The following FER1L6 variants were observed in gnomAD, a reference collection of about 807,000 sequenced individuals.
The protein encoded by FER1L6 is fer-1 like family member 6.
FER1L6 carries 177 observed loss-of-function variants against 219.2 expected under a neutral mutation model. The ratio of observed to expected loss-of-function variants is 0.81; its 90% CI spans 0.71 to 0.91. FER1L6 has a LOEUF of 0.91. Among genes scored for constraint, FER1L6 ranks in the 40% least tolerant of loss-of-function variants. FER1L6 has a pLI of 0.00. For missense variants in FER1L6, 2,153 were observed against 2,259.9 expected, an observed-to-expected ratio of 0.95 and a Z score of 0.96; for synonymous variants, 768 against 824.3, an observed-to-expected ratio of 0.93 and a Z score of 1.17.
At chr8:123,883,392 T>A (rs921597032) in intron 1 of FER1L6, among the ~76,000 whole-genome samples, 38 of 152,246 alleles carry the variant, frequency 2.5e-4, no homozygotes, top group African/African-American at 7.2e-4. Context: ...AGGCATTAGT[T>A]AGTGGCCAGG....
At chr8:123,898,751 A>G (rs574577173) in intron 1 of FER1L6, among the ~76,000 whole-genome samples, 7 of 145,214 alleles carry the variant, frequency 4.8e-5, no homozygotes, top group East Asian at 2.0e-4. Context: ...CATATATACT[A>G]TATATACACA....
At chr8:123,966,403 C>A in intron 5 of FER1L6, 113 bp downstream of exon 5, 1 of 1,317,866 alleles carries the variant, frequency 7.6e-7, no homozygotes, top group Admixed American at 2.1e-5. Context: ...CTCCCTGGCC[C>A]CCAGTTAAGC....
chr8:123,955,912 T>C (rs929799182), intron 1 of FER1L6, 80 bp from the exon 2 acceptor site: 71 of 1,301,982 alleles, frequency 5.5e-5, no homozygotes, highest in Non-Finnish European at 7.0e-5. Context: ...TGAAGCTCGG[T>C]GTGTTTTTGT....
chr8:124,003,371 C>T lies in FER1L6; in HGVS notation c.1700+24C>T, dbSNP rs773818524. ...AGGTAGGAGACATAGCCTGGGAGAACAGTCAAGGATTTTGCTGGTGGAATT... is the reference window on the plus strand; with the variant it reads ...AGGTAGGAGACATAGCCTGGGAGAATAGTCAAGGATTTTGCTGGTGGAATT... On this transcript the variant is annotated intron_variant, in intron 13 of 40. Coordinates refer to ENST00000522917, the MANE Select transcript of FER1L6 (RefSeq NM_001039112.2). 10 of 1,528,264 alleles carry T rather than the reference C, an allele frequency of 6.5e-6. No individual in the cohort carries two copies. In the South Asian group the frequency reaches 8.1e-5, roughly 12 times the overall value. The allele number at this position is 1,528,264 out of a possible 1,614,324, so 94.7% of individuals were successfully genotyped here. A position where few individuals can be genotyped will look rare whatever the true frequency, so the allele number is the denominator to read the frequency against.
At chr8:124,081,625 AGG>A (rs200336444) in intron 32 of FER1L6, among the ~76,000 whole-genome samples, 1 of 135,792 alleles carries the variant, frequency 7.4e-6, no homozygotes, top group African/African-American at 2.8e-5. Flanking sequence ...AAAAAAAAAA[AGG>A]GCAGGTCCCT....
At chr8:123,979,213 CATA>C (rs2130324074) in intron 10 of FER1L6, among the ~76,000 whole-genome samples, 1 of 152,304 alleles carries the variant, frequency 6.6e-6, no homozygotes, top group African/African-American at 2.4e-5. Flanking sequence ...TTTGCTTCTT[CATA>C]ATAATAGCCT....
intron 1 of FER1L6, among the ~76,000 whole-genome samples, chr8:123,947,211 G>T (rs1259072612): frequency 6.6e-6 from 1 of 151,494 alleles, no homozygotes; most frequent in African/African-American, 2.4e-5. Context: ...ACTTGAACCT[G>T]GGAGGTGGAG....
At chr8:124,034,117 T>C (rs1356557423) in intron 18 of FER1L6, among the ~76,000 whole-genome samples, 1 of 150,064 alleles carries the variant, frequency 6.7e-6, no homozygotes, top group Non-Finnish European at 1.5e-5. Flanking sequence ...CATAATAGGA[T>C]TTTGTGACTC....
At chr8:123,944,796 G>A (rs776590301) in intron 1 of FER1L6, among the ~76,000 whole-genome samples, 5 of 152,114 alleles carry the variant, frequency 3.3e-5, no homozygotes, top group Non-Finnish European at 7.4e-5. Flanking sequence ...CTTCTGCTAG[G>A]GTTCCATATA....
At chr8:124,018,186 G>A (rs1187996813) in intron 16 of FER1L6, among the ~76,000 whole-genome samples, 3 of 152,162 alleles carry the variant, frequency 2.0e-5, no homozygotes. Flanking sequence ...CAGTTGCTCA[G>A]TTCTTCTTCA....
intron 15 of FER1L6, among the ~76,000 whole-genome samples, chr8:124,015,294 G>A (rs1484080436): frequency 2.0e-5 from 3 of 152,026 alleles, no homozygotes; most frequent in Admixed American, 6.6e-5. Flanking sequence ...GGACTCACTG[G>A]AGCCATCTTA....
At chr8:124,049,368 T>G (rs1483988279) in intron 21 of FER1L6, among the ~76,000 whole-genome samples, 2 of 151,908 alleles carry the variant, frequency 1.3e-5, no homozygotes, top group Non-Finnish European at 2.9e-5. Flanking sequence ...ATCATACAGG[T>G]CCTTTTAGGA....
At position 123,951,312 on chromosome 8, in the gene FER1L6, G is replaced by A. The variant is rs992167484; in HGVS notation, c.-7-4680G>A. On this transcript the variant is annotated intron_variant, in intron 1 of 40. Transcript: ENST00000522917. ...AAAGCTACCCCCATATGGATTAGATGTGTAGCCAAAGTTGGGGCATCATTG... is the reference window on the plus strand; with the variant it reads ...AAAGCTACCCCCATATGGATTAGATATGTAGCCAAAGTTGGGGCATCATTG... Among the ~76,000 whole-genome samples the A allele has an allele frequency of 8.5e-5, 13 of 152,200 alleles. No homozygotes were observed. The East Asian group carries it at 2.1e-3, about 25-fold the overall frequency.
intron 22 of FER1L6, among the ~76,000 whole-genome samples, chr8:124,058,408 C>T (rs987569239): frequency 5.9e-5 from 9 of 152,210 alleles, no homozygotes; most frequent in Non-Finnish European, 1.3e-4. Flanking sequence ...TTATAACAAT[C>T]GCTTGTTTTT....
intron 12 of FER1L6, among the ~76,000 whole-genome samples, chr8:123,988,785 C>A (rs1490136562): frequency 6.6e-6 from 1 of 152,186 alleles, no homozygotes; most frequent in Non-Finnish European, 1.5e-5. Flanking sequence ...GATTATTTGA[C>A]TACTTCATTT....
At chr8:124,090,727 C>A (rs1821994298) in intron 33 of FER1L6, among the ~76,000 whole-genome samples, 1 of 152,138 alleles carries the variant, frequency 6.6e-6, no homozygotes, top group Admixed American at 6.6e-5. Flanking sequence ...TTTAACCAAA[C>A]AGCTAGTTTT....
At chr8:124,001,409 C>T (rs955993721) in intron 12 of FER1L6, among the ~76,000 whole-genome samples, 1 of 152,196 alleles carries the variant, frequency 6.6e-6, no homozygotes, top group African/African-American at 2.4e-5. Context: ...AAAACCCCAT[C>T]TAATTATCCT....
intron 22 of FER1L6, among the ~76,000 whole-genome samples, chr8:124,050,044 A>G (rs1317956216): frequency 1.3e-5 from 2 of 152,206 alleles, no homozygotes; most frequent in Admixed American, 6.5e-5. Flanking sequence ...GCAGGCCTCC[A>G]TGCAGGTCAT....
At chr8:124,028,510 T>C (rs529476809) in intron 18 of FER1L6, among the ~76,000 whole-genome samples, 6 of 148,250 alleles carry the variant, frequency 4.0e-5, no homozygotes, top group African/African-American at 1.3e-4. Context: ...TCCAGTTTTT[T>C]AGCTGGGAAA....
Sources: allele counts gnomAD v4.1 joint callset (sites outside exome capture counted in the v4.1 genomes callset), GRCh38; gene constraint gnomAD v4.1.1; transcripts MANE v1.5; gene names NCBI Gene and HGNC (gene_info 2026-07-23, HGNC 2026-07-21).